CA8: variants seen among roughly 807,000 people sequenced by gnomAD.
CA8 encodes carbonic anhydrase-related protein.
CA8 carries 22 observed loss-of-function variants against 41.4 expected under a neutral mutation model. The observed-to-expected ratio is 0.53, with a 90% CI of 0.38 to 0.76. CA8 has a LOEUF of 0.76. Ranked by LOEUF, CA8 falls within the 30% of genes least tolerant of loss-of-function variation. CA8 has a pLI of 0.00. For synonymous variants in CA8, 121 were observed against 130.6 expected (o/e 0.93, Z 0.50); for missense variants, 270 against 352.8 (o/e 0.77, Z 1.88).
chr8:60,240,485 G>T (rs1807985413), intron 3 of CA8, among the ~76,000 whole-genome samples: 1 of 152,146 alleles, frequency 6.6e-6, no homozygotes, highest in African/African-American at 2.4e-5. Context: ...TTTCTTAATG[G>T]TTAAAAGTAA....
chr8:60,200,567 A>G (rs1171410270), intron 8 of CA8, among the ~76,000 whole-genome samples: 1 of 152,194 alleles, frequency 6.6e-6, no homozygotes, highest in East Asian at 1.9e-4. Context: ...TAATTTTATC[A>G]TGTTTCTGTG....
At position 60,210,859 on chromosome 8, in the gene CA8, G is replaced by A. The variant is rs143737299; in HGVS notation, c.739-1940C>T. ...TCTTCAGCTATTAGAATGAAAATACGAGTAGCATCTATTGCTTGTTGCATC... is the reference window on the plus strand; with the variant it reads ...TCTTCAGCTATTAGAATGAAAATACAAGTAGCATCTATTGCTTGTTGCATC... On this transcript the variant is annotated intron_variant, in intron 7 of 8. Transcript: ENST00000317995. Among the ~76,000 whole-genome samples, 183 of 152,296 alleles carry A rather than the reference G, an allele frequency of 1.2e-3. 1 individual carries two copies. In the Middle Eastern group the frequency reaches 0.017, roughly 14 times the overall value.
chr8:60,203,454 G>A (rs1359881135), intron 8 of CA8, among the ~76,000 whole-genome samples: 1 of 152,070 alleles, frequency 6.6e-6, no homozygotes, highest in African/African-American at 2.4e-5. Flanking sequence ...ATTTTAATCT[G>A]AATGAGGTAG....
At position 60,219,929 on chromosome 8, in the gene CA8, T is replaced by TAAAAAAAAA. The variant is rs546162939; in HGVS notation, c.738+2711_738+2719dup. 4.4e-3 allele frequency among the ~76,000 whole-genome samples: 362 copies of TAAAAAAAAA among 81,944 alleles called. 28 individuals are homozygous for TAAAAAAAAA. Among genetic ancestry groups the TAAAAAAAAA allele is most frequent in the African/African-American group, 0.013 (280 of 20,974 alleles). 53.8% of individuals were successfully genotyped at this position (81,944 alleles called of 152,430 possible). On this transcript the variant is annotated intron_variant, in intron 7 of 8. Transcript: ENST00000317995. ...CTCTAGTATTTCCTAAATCTTAACT[T>TAAAAAAAAA]AAAAAAAAAAAAAAAAAAAAAAAAC...
intron 7 of CA8, among the ~76,000 whole-genome samples, chr8:60,215,523 G>A (rs936067720): frequency 6.6e-6 from 1 of 151,894 alleles, no homozygotes; most frequent in Non-Finnish European, 1.5e-5. Flanking sequence ...GAACTTACTC[G>A]TGTAACCAAA....
chr8:60,229,071 C>T (rs1807544311), intron 4 of CA8, among the ~76,000 whole-genome samples: 1 of 152,188 alleles, frequency 6.6e-6, no homozygotes, highest in African/African-American at 2.4e-5. Flanking sequence ...CATTTCTCAC[C>T]TCTCACCTTT....
chr8:60,220,095 T>C (rs1250187009), intron 7 of CA8, among the ~76,000 whole-genome samples: 8 of 152,128 alleles, frequency 5.3e-5, no homozygotes, highest in African/African-American at 1.7e-4. Context: ...ACATCTCCTT[T>C]GGGTTAACAA....
chr8:60,246,975 C>T (rs531195652), intron 3 of CA8, among the ~76,000 whole-genome samples: 3 of 149,968 alleles, frequency 2.0e-5, no homozygotes, highest in Admixed American at 2.0e-4. Flanking sequence ...GCTCCACCTC[C>T]CAGGTTCACG....
chr8:60,221,815 TAAAG>T (rs1371676278), intron 7 of CA8, among the ~76,000 whole-genome samples: 2 of 152,144 alleles, frequency 1.3e-5, no homozygotes, highest in Admixed American at 6.5e-5. Flanking sequence ...AAGGACAAAA[TAAAG>T]AAAGCTTTAC....
At chr8:60,212,484 C>G (rs1269084440) in intron 7 of CA8, among the ~76,000 whole-genome samples, 1 of 152,172 alleles carries the variant, frequency 6.6e-6, no homozygotes, top group Admixed American at 6.5e-5. Flanking sequence ...GGTATCTCTT[C>G]AAGATACTGA....
chr8:60,213,356 T>C (rs1315477154), intron 7 of CA8, among the ~76,000 whole-genome samples: 4 of 152,198 alleles, frequency 2.6e-5, no homozygotes, highest in Non-Finnish European at 5.9e-5. Context: ...GATTTAAACA[T>C]ACTAAAGAAT....
intron 3 of CA8, among the ~76,000 whole-genome samples, chr8:60,263,524 T>G (rs1172364368): frequency 6.6e-6 from 1 of 151,146 alleles, no homozygotes; most frequent in Non-Finnish European, 1.5e-5. Context: ...GAACATGACC[T>G]CAAAAAAAAC....
intron 8 of CA8, among the ~76,000 whole-genome samples, chr8:60,193,517 A>G (rs1181748997): frequency 6.6e-6 from 1 of 152,122 alleles, no homozygotes; most frequent in Non-Finnish European, 1.5e-5. Flanking sequence ...GGTGGCTTTG[A>G]TATCTATAAA....
chr8:60,262,335 CAAAAA>C (rs11424117), intron 3 of CA8, among the ~76,000 whole-genome samples: 1 of 109,322 alleles, frequency 9.1e-6, no homozygotes. Flanking sequence ...AGCAAAATGG[CAAAAA>C]AAAAAAAAAA....
intron 8 of CA8, among the ~76,000 whole-genome samples, chr8:60,195,740 C>T (rs898881274): frequency 2.6e-5 from 4 of 152,132 alleles, no homozygotes; most frequent in African/African-American, 7.2e-5. Context: ...TATATTTTCA[C>T]TCAGCCCCTA....
At chr8:60,257,721 C>T (rs1808690378) in intron 3 of CA8, among the ~76,000 whole-genome samples, 1 of 152,166 alleles carries the variant, frequency 6.6e-6, no homozygotes, top group African/African-American at 2.4e-5. Context: ...GTTAGTCTAG[C>T]CTACAGTGAC....
intron 6 of CA8, 87 bp downstream of exon 6, chr8:60,224,450 C>T (rs750788718): frequency 6.7e-5 from 54 of 810,082 alleles, no homozygotes; most frequent in Non-Finnish European, 1.1e-4. Context: ...TATTAATTAA[C>T]AATATATAGT....
At chr8:60,225,931 G>A (rs1164839401) in intron 5 of CA8, among the ~76,000 whole-genome samples, 2 of 152,178 alleles carry the variant, frequency 1.3e-5, no homozygotes, top group Non-Finnish European at 2.9e-5. Flanking sequence ...AGACCACCCT[G>A]GCCAACATGG....
Position 60,255,303 on chromosome 8 carries a change from G to A in CA8, c.417+10622C>T, listed in dbSNP as rs531072537. Among the ~76,000 whole-genome samples the A allele has an allele frequency of 4.8e-4, 64 of 133,840 alleles. No homozygotes were observed. The Middle Eastern group carries it at 0.02, about 42-fold the overall frequency. The allele number at this position is 133,840 out of a possible 152,430, so 87.8% of individuals were successfully genotyped here. A position where few individuals can be genotyped will look rare whatever the true frequency, so the allele number is the denominator to read the frequency against. ...AATTCTGGACAGACACTCTTCTCTC[G>A]AATTAAGCTATGTCTCCAGTATCGT... On this transcript the variant is annotated intron_variant, in intron 3 of 8. Coordinates refer to ENST00000317995, the MANE Select transcript of CA8 (RefSeq NM_004056.6).
Sources: allele counts gnomAD v4.1 joint callset (sites outside exome capture counted in the v4.1 genomes callset), GRCh38; gene constraint gnomAD v4.1.1; transcripts MANE v1.5; gene names NCBI Gene and HGNC (gene_info 2026-07-23, HGNC 2026-07-21).